WIPI2: variants seen among roughly 807,000 people sequenced by gnomAD.
WIPI2 encodes WD repeat domain, phosphoinositide interacting 2.
WIPI2 carries 28 observed loss-of-function variants against 52.3 expected under a neutral mutation model. The ratio of observed to expected loss-of-function variants is 0.54; its 90% CI spans 0.40 to 0.73. WIPI2 has a LOEUF of 0.73. WIPI2 is among the 30% of genes least tolerant of loss of function. The pLI is 0.00. For synonymous variants in WIPI2, 268 were observed against 245.0 expected (o/e 1.09, Z -0.88); for missense variants, 506 against 602.9 (o/e 0.84, Z 1.68).
At chr7:5,219,551 T>C (rs969140304) in intron 7 of WIPI2, among the ~76,000 whole-genome samples, 1 of 152,200 alleles carries the variant, frequency 6.6e-6, no homozygotes, top group Non-Finnish European at 1.5e-5. Flanking sequence ...CCAGCCCCGC[T>C]CTGTCCCAGG....
rs1473422846 is a variant in WIPI2, at chr7:5,233,798, A to G, written c.*2851A>G. The G allele has an allele frequency of 6.6e-6, 1 of 152,186 alleles. No homozygotes were observed. The highest frequency in any genetic ancestry group is 1.5e-5 in the Non-Finnish European group (1 of 68,034). The allele number at this position is 152,186 out of a possible 1,614,324, so 9.4% of individuals were successfully genotyped here. ...GCTCGGTGCCCAGCCAGCGGTGGGCACCCAATAAACGCTACAACATAAATG... is the reference window on the plus strand; with the variant it reads ...GCTCGGTGCCCAGCCAGCGGTGGGCGCCCAATAAACGCTACAACATAAATG... On this transcript the variant is annotated 3_prime_UTR_variant, in exon 13 of 13. Transcript: ENST00000288828.
At chr7:5,224,345 A>G (rs990416225) in intron 8 of WIPI2, among the ~76,000 whole-genome samples, 5 of 152,302 alleles carry the variant, frequency 3.3e-5, no homozygotes, top group African/African-American at 9.6e-5. Context: ...ATGCGTCTCT[A>G]GTGCCTTCCA....
chr7:5,194,474 C>A (rs888340872), intron 2 of WIPI2, among the ~76,000 whole-genome samples: 1 of 152,214 alleles, frequency 6.6e-6, no homozygotes, highest in African/African-American at 2.4e-5. Flanking sequence ...GTGGCAGTCA[C>A]TGTCTCTTTG....
At chr7:5,226,984 C>G in intron 9 of WIPI2, 196 bp from the exon 10 acceptor site, 1 of 673,354 alleles carries the variant, frequency 1.5e-6, no homozygotes, top group Admixed American at 3.0e-5. Context: ...GCACCCCTCC[C>G]CCGACACCTC....
rs7800499 is a variant in WIPI2 at position 5,217,656 on chromosome 7, G to A, written c.577-266G>A. ...CTCATTCTGCTTCTGGATCTGCTGCGGCGTTCAGAGCAGTGCTGAGCTCCT... is the reference window on the plus strand; with the variant it reads ...CTCATTCTGCTTCTGGATCTGCTGCAGCGTTCAGAGCAGTGCTGAGCTCCT... On this transcript the variant is annotated intron_variant, in intron 6 of 12. Coordinates refer to ENST00000288828, the MANE Select transcript of WIPI2 (RefSeq NM_015610.4). The A allele has an allele frequency of 0.1, 48,143 of 471,026 alleles. 2,839 individuals carry two copies. The highest frequency in any genetic ancestry group is 0.14 in the Middle Eastern group (241 of 1,676). 29.2% of individuals were successfully genotyped at this position (471,026 alleles called of 1,614,324 possible).
chr7:5,206,992 T>C (rs1371062138), intron 3 of WIPI2, among the ~76,000 whole-genome samples: 1 of 152,164 alleles, frequency 6.6e-6, no homozygotes, highest in Non-Finnish European at 1.5e-5. Flanking sequence ...TTGTCCAGGC[T>C]AGTCTCAAAC....
intron 2 of WIPI2, among the ~76,000 whole-genome samples, chr7:5,198,930 T>A (rs911980594): frequency 2.6e-5 from 4 of 152,356 alleles, no homozygotes; most frequent in African/African-American, 9.6e-5. Flanking sequence ...CAAGCACACT[T>A]AAGATCTGCT....
chr7:5,191,994 G>A (rs10250601), intron 1 of WIPI2, among the ~76,000 whole-genome samples: 18 of 152,282 alleles, frequency 1.2e-4, no homozygotes, highest in African/African-American at 3.6e-4. Flanking sequence ...TGGAGCGGGG[G>A]CAGGAGTGGA....
chr7:5,192,323 G>A (rs774479958), intron 1 of WIPI2, among the ~76,000 whole-genome samples: 1 of 152,238 alleles, frequency 6.6e-6, no homozygotes, highest in Non-Finnish European at 1.5e-5. Flanking sequence ...AATGGTAGTA[G>A]TAGTAGGGTG....
Position 5,217,919 on chromosome 7 carries a change from C to T in WIPI2, c.577-3C>T. 6.2e-7 allele frequency: 1 copy of T among 1,614,118 alleles called. No homozygotes were observed. Among genetic ancestry groups the T allele is most frequent in the African/African-American group, 1.3e-5 (1 of 75,050 alleles). On this transcript the variant is annotated splice_region_variant and splice_polypyrimidine_tract_variant and intron_variant, in intron 6 of 12. Transcript: ENST00000288828. ...CCACTCTTTATTGGTGTCCCTTTTT[C>T]AGAGAGCTGCAAACATGATTCCGGC...
In WIPI2 at chr7:5,204,392, G is replaced by A. The variant is rs139275423; in HGVS notation, c.211+4734G>A. ...TGAGGTAGGAGAATCACTTGGACCC[G>A]GGAGTCAAAGGTTGCAGTGAGTCAA... On this transcript the variant is annotated intron_variant, in intron 3 of 12. Coordinates refer to ENST00000288828, the MANE Select transcript of WIPI2 (RefSeq NM_015610.4). Among the ~76,000 whole-genome samples the A allele has an allele frequency of 2.5e-3, 381 of 152,226 alleles. 4 individuals are homozygous for A. Among genetic ancestry groups the A allele is most frequent in the African/African-American group, 8.4e-3 (350 of 41,544 alleles).
In WIPI2 at chr7:5,229,628, C is replaced by T. The variant is rs369101375; in HGVS notation, c.1142C>T (p.Thr381Met). 8.7e-6 allele frequency: 14 copies of T among 1,613,480 alleles called. No individual in the cohort carries two copies. The highest frequency in any genetic ancestry group is 1.1e-5 in the Non-Finnish European group (13 of 1,179,820). ...KQHRLDGSLE[T>M]TNEILDSASH... ...TCCAGGCTGGACGGCAGTCTGGAAACGACCAATGAGATCTTGGACTCTGCC... is the reference window on the plus strand; with the variant it reads ...TCCAGGCTGGACGGCAGTCTGGAAATGACCAATGAGATCTTGGACTCTGCC... Residue 381 changes from threonine (T) to methionine (M), a missense_variant, in exon 12 of 13, where the codon ACG (threonine) becomes ATG (methionine). By Grantham distance (81) the Thr-to-Met change is moderately conservative. This residue lies in a region of WIPI2 where 194 missense variants were observed against 175.1 expected (regional missense o/e 1.11). Coordinates refer to ENST00000288828, the MANE Select transcript of WIPI2 (RefSeq NM_015610.4).
At chr7:5,222,572 A>C (rs756096854) in intron 7 of WIPI2, 30 bp from the exon 8 acceptor site, 1 of 1,606,424 alleles carries the variant, frequency 6.2e-7, no homozygotes, top group Non-Finnish European at 8.5e-7. Flanking sequence ...AACTCAGCTC[A>C]AATTCTTCTT....
At chr7:5,216,397 A>G (rs1782813972) in intron 4 of WIPI2, 166 bp from the exon 5 acceptor site, 2 of 548,050 alleles carry the variant, frequency 3.6e-6, no homozygotes, top group East Asian at 3.0e-5. Context: ...ACACCACTGC[A>G]CTCCAGCCCG....
intron 8 of WIPI2, among the ~76,000 whole-genome samples, chr7:5,223,683 C>T (rs1171854825): frequency 6.6e-6 from 1 of 152,128 alleles, no homozygotes; most frequent in Non-Finnish European, 1.5e-5. Flanking sequence ...TGGCTTCCTT[C>T]TTGAGGTGCC....
intron 4 of WIPI2, 66 bp downstream of exon 4, chr7:5,214,770 A>G: frequency 2.6e-6 from 4 of 1,565,484 alleles, no homozygotes; most frequent in Non-Finnish European, 3.5e-6. Context: ...GGACAAGCCC[A>G]CCCCACCGGC....
At chr7:5,209,299 C>T (rs1480388377) in intron 3 of WIPI2, among the ~76,000 whole-genome samples, 1 of 152,022 alleles carries the variant, frequency 6.6e-6, no homozygotes, top group Non-Finnish European at 1.5e-5. Context: ...TTTTTCTTGC[C>T]TCACTGCAAC....
rs1783820875 is a variant in WIPI2, at chr7:5,233,399, G to C, written c.*2452G>C. 1 of 152,234 alleles carries C rather than the reference G, an allele frequency of 6.6e-6. No homozygotes were observed. The highest frequency in any genetic ancestry group is 2.4e-5 in the African/African-American group (1 of 41,438). The allele number at this position is 152,234 out of a possible 1,614,324, so 9.4% of individuals were successfully genotyped here. ...AGTGACCCAGGTGGAGAGGGACCCT[G>C]AACCAAACAGAACGTGTGCTAATTT... On this transcript the variant is annotated 3_prime_UTR_variant, in exon 13 of 13. Transcript: ENST00000288828.
Position 5,217,972 on chromosome 7 carries a change from CT to C in WIPI2, c.630del (p.Phe210LeufsTer17). The C allele has an allele frequency of 6.2e-7, 1 of 1,614,240 alleles. No homozygotes were observed. Among genetic ancestry groups the C allele is most frequent in the Non-Finnish European group, 8.5e-7 (1 of 1,180,038 alleles). ...AHDSPLAALA[F>X]DASGTKLATA... ...ACGACAGTCCTTTAGCGGCACTGGC[CT>C]TTGACGCAAGTGGAACTAAACTTGC... is the stretch of plus-strand genomic sequence containing the variant. On this transcript the variant is annotated frameshift_variant, in exon 7 of 13. Coordinates refer to ENST00000288828, the MANE Select transcript of WIPI2 (RefSeq NM_015610.4). LOFTEE classifies it high-confidence loss of function.
Sources: gnomAD v4.1 joint callset for allele counts (sites outside exome capture counted in the v4.1 genomes callset) on GRCh38, gnomAD v4.1.1 for gene constraint, gnomAD v4.1.1 regional missense constraint, MANE v1.5 for transcripts, NCBI Gene and HGNC (gene_info 2026-07-23, HGNC 2026-07-21) for gene names.